The following ARHGAP42 variants were observed in gnomAD, a reference collection of about 807,000 sequenced individuals.
ARHGAP42 encodes the protein Rho GTPase activating protein 42.
In ARHGAP42, 63 loss-of-function variants were observed where a neutral mutation model predicts 125.0. That is an observed-to-expected ratio of 0.50 (90% confidence interval 0.41 to 0.62). ARHGAP42 has a LOEUF of 0.62. Ranked by LOEUF, ARHGAP42 falls within the 20% of genes least tolerant of loss-of-function variation. The pLI is 0.00. For synonymous variants in ARHGAP42, 339 were observed against 351.0 expected (o/e 0.97, Z 0.38); for missense variants, 766 against 1,024.2 (o/e 0.75, Z 3.44).
Position 100,987,567 on chromosome 11 carries a change from C to G in ARHGAP42, c.2511C>G (p.Phe837Leu). The G allele has an allele frequency of 6.4e-7, 1 of 1,551,732 alleles. No homozygotes were observed. The highest frequency in any genetic ancestry group is 8.7e-7 in the Non-Finnish European group (1 of 1,146,896). The change falls in exon 23 of 24, where the codon TTC becomes TTG. Residue 837 changes from phenylalanine to leucine, a missense_variant. Transcript: ENST00000298815. ...CKAEHSHELS[F>L]PQGAIFSNVY... is the part of the protein sequence containing the mutation. ...CAGAGCACAGTCATGAGCTTTCCTT[C>G]CCACAAGGAGCAATATTTTCTAATG... is the stretch of plus-strand genomic sequence containing the variant.
At chr11:100,816,335 G>A (rs1292007224) in intron 3 of ARHGAP42, among the ~76,000 whole-genome samples, 1 of 151,632 alleles carries the variant, frequency 6.6e-6, no homozygotes, top group Admixed American at 6.6e-5. Context: ...TTTTTTGATA[G>A]TAGCCATCCT....
At chr11:100,830,253 A>C (rs144358497) in intron 3 of ARHGAP42, among the ~76,000 whole-genome samples, 1 of 152,222 alleles carries the variant, frequency 6.6e-6, no homozygotes, top group African/African-American at 2.4e-5. Context: ...GGAAGACACT[A>C]TCTGTGAGGC....
chr11:100,961,550 AAT>A (rs1857955368), intron 14 of ARHGAP42, 132 bp from the exon 15 acceptor site: 25 of 688,332 alleles, frequency 3.6e-5, no homozygotes, highest in Admixed American at 8.4e-5. Context: ...CAACAGTACT[AAT>A]GTTAACTCTT....
chr11:100,895,220 ATCATTCATTCAT>A (rs143864674), intron 4 of ARHGAP42, among the ~76,000 whole-genome samples: 1 of 152,098 alleles, frequency 6.6e-6, no homozygotes, highest in African/African-American at 2.4e-5. Context: ...TTGGCTAAAC[ATCATTCATTCAT>A]TCATTCATTC....
chr11:100,735,753 C>T (rs975034966), intron 1 of ARHGAP42, among the ~76,000 whole-genome samples: 10 of 151,600 alleles, frequency 6.6e-5, no homozygotes, highest in African/African-American at 4.8e-5. Context: ...GGATTACAGG[C>T]GCCCGCCACC....
intron 1 of ARHGAP42, among the ~76,000 whole-genome samples, chr11:100,697,964 A>G (rs147180569): frequency 6.6e-5 from 10 of 152,346 alleles, no homozygotes; most frequent in African/African-American, 9.6e-5. Flanking sequence ...TCTTCCTTCT[A>G]TGAAAAAGTT....
intron 1 of ARHGAP42, among the ~76,000 whole-genome samples, chr11:100,752,791 G>A (rs1862490521): frequency 6.6e-6 from 1 of 152,200 alleles, no homozygotes; most frequent in Admixed American, 6.5e-5. Flanking sequence ...GACAGACTTA[G>A]GACCTTCTGG....
chr11:100,810,926 A>G (rs182475508), intron 3 of ARHGAP42, among the ~76,000 whole-genome samples: 3 of 152,282 alleles, frequency 2.0e-5, no homozygotes, highest in Admixed American at 6.5e-5. Context: ...CACCAGCAAT[A>G]AAATGAACAT....
chr11:100,879,488 G>T (rs1200384034), intron 4 of ARHGAP42, among the ~76,000 whole-genome samples: 1 of 152,144 alleles, frequency 6.6e-6, no homozygotes, highest in African/African-American at 2.4e-5. Flanking sequence ...TTTATTTGGT[G>T]GGTTTTGTTT....
At chr11:100,977,987 T>C (rs138539137) in intron 21 of ARHGAP42, among the ~76,000 whole-genome samples, 206 of 152,340 alleles carry the variant, frequency 1.4e-3, no homozygotes, top group African/African-American at 4.7e-3. Flanking sequence ...TTGCAGAGCA[T>C]GTTCAATGTA....
chr11:100,726,328 A>G (rs1861860740), intron 1 of ARHGAP42, among the ~76,000 whole-genome samples: 1 of 151,932 alleles, frequency 6.6e-6, no homozygotes, highest in African/African-American at 2.4e-5. Flanking sequence ...ATGTGGAGAT[A>G]CTGGTGGTGC....
At chr11:100,976,686 C>G (rs1228702051) in intron 20 of ARHGAP42, 129 bp from the exon 21 acceptor site, 1 of 1,235,304 alleles carries the variant, frequency 8.1e-7, no homozygotes, top group African/African-American at 1.5e-5. Flanking sequence ...TTGCTGTACT[C>G]AAAGAACATT....
chr11:100,948,674 CTT>C, intron 11 of ARHGAP42, 139 bp downstream of exon 11: 1 of 613,206 alleles, frequency 1.6e-6, no homozygotes, highest in Non-Finnish European at 2.7e-6. Flanking sequence ...GGAGTAGAGA[CTT>C]TTATGGTTTC....
chr11:100,823,247 G>A (rs1356553557), intron 3 of ARHGAP42, among the ~76,000 whole-genome samples: 3 of 152,098 alleles, frequency 2.0e-5, no homozygotes, highest in Non-Finnish European at 4.4e-5. Context: ...TTCCTTTTAG[G>A]TCTAGGAGCA....
At chr11:100,793,092 C>G (rs780466530) in intron 2 of ARHGAP42, among the ~76,000 whole-genome samples, 1 of 152,054 alleles carries the variant, frequency 6.6e-6, no homozygotes, top group Admixed American at 6.6e-5. Context: ...TATTGTTACA[C>G]TCAGGCAACC....
At chr11:100,966,339 A>AAT (rs1858094261) in intron 17 of ARHGAP42, among the ~76,000 whole-genome samples, 1 of 152,206 alleles carries the variant, frequency 6.6e-6, no homozygotes, top group Non-Finnish European at 1.5e-5. Context: ...ACATATATTT[A>AAT]ATATATATAT....
intron 16 of ARHGAP42, among the ~76,000 whole-genome samples, chr11:100,962,850 T>C (rs976550178): frequency 6.6e-6 from 1 of 152,108 alleles, no homozygotes. Flanking sequence ...CACTCCAGCC[T>C]GGGCAACAAG....
At chr11:100,776,662 T>C (rs1863132360) in intron 2 of ARHGAP42, among the ~76,000 whole-genome samples, 1 of 152,102 alleles carries the variant, frequency 6.6e-6, no homozygotes, top group Non-Finnish European at 1.5e-5. Context: ...TATGCAGACA[T>C]AGCAACAAGG....
chr11:100,872,104 G>A (rs552665561), intron 4 of ARHGAP42, among the ~76,000 whole-genome samples: 29 of 152,194 alleles, frequency 1.9e-4, no homozygotes, highest in African/African-American at 7.0e-4. Flanking sequence ...CTCTATAGAC[G>A]GCTCCTATTT....
Sources: gnomAD v4.1 joint callset for allele counts (sites outside exome capture counted in the v4.1 genomes callset) on GRCh38, gnomAD v4.1.1 for gene constraint, MANE v1.5 for transcripts, NCBI Gene and HGNC (gene_info 2026-07-23, HGNC 2026-07-21) for gene names.